The following SV2C variants were observed in gnomAD, a reference collection of about 807,000 sequenced individuals.
SV2C encodes the protein synaptic vesicle glycoprotein 2C, also known as solute carrier family 22 member B3.
A neutral mutation model predicts 79.7 loss-of-function variants in SV2C; 49 were observed. The ratio of observed to expected loss-of-function variants is 0.61; its 90% confidence interval spans 0.49 to 0.78. The LOEUF (loss-of-function observed/expected upper bound fraction) is 0.78, where lower values mean the gene tolerates loss of function less well. Among genes scored for constraint, SV2C ranks in the 30% least tolerant of loss-of-function variants. The pLI is 0.00. For synonymous variants in SV2C, 334 were observed against 333.2 expected, an observed-to-expected ratio of 1.00 and a Z score of -0.03; for missense variants, 833 against 912.9, an observed-to-expected ratio of 0.91 and a Z score of 1.13.
chr5:76,318,395 G>C (rs962711132), intron 12 of SV2C, among the ~76,000 whole-genome samples: 3 of 151,988 alleles, frequency 2.0e-5, no homozygotes, highest in African/African-American at 7.3e-5. Context: ...TCCAGCCTGG[G>C]CAATAGAGTG....
At chr5:75,893,595 G>T in the SV2C span, among the ~76,000 whole-genome samples, 1 of 152,086 alleles carries the variant, frequency 6.6e-6, no homozygotes, top group Admixed American at 6.6e-5. Context: ...CTGCTAGAGT[G>T]GGGAGGTAGG....
chr5:76,058,848 C>A, the SV2C span, among the ~76,000 whole-genome samples: 1 of 151,922 alleles, frequency 6.6e-6, no homozygotes. Flanking sequence ...ATTATAATAG[C>A]CTTTTACAAT....
At chr5:76,080,008 C>T (rs1746960843), upstream of SV2C, among the ~76,000 whole-genome samples, 1 of 151,888 alleles carries the variant, frequency 6.6e-6, no homozygotes, top group African/African-American at 2.4e-5. Flanking sequence ...GCCAAATGCA[C>T]TAACACCCTA....
chr5:76,309,525 G>A (rs1396414408), intron 12 of SV2C, among the ~76,000 whole-genome samples: 1 of 150,400 alleles, frequency 6.6e-6, no homozygotes, highest in African/African-American at 2.5e-5. Context: ...GCGTGAACCC[G>A]GGAGGCGGAG....
chr5:75,957,082 A>G, the SV2C span, among the ~76,000 whole-genome samples: 1 of 151,988 alleles, frequency 6.6e-6, no homozygotes, highest in African/African-American at 2.4e-5. Context: ...TACATAATCA[A>G]GAAAGATATA....
the SV2C span, chr5:75,911,597 C>T: frequency 1.5e-6 from 1 of 686,272 alleles, no homozygotes; most frequent in Non-Finnish European, 2.7e-6. Context: ...CAAAAGAAGC[C>T]AGTAAGAACT....
chr5:76,350,543 AGGTTGCTGACT>A (rs1254683416), intron 12 of SV2C, among the ~76,000 whole-genome samples: 1 of 152,246 alleles, frequency 6.6e-6, no homozygotes, highest in Non-Finnish European at 1.5e-5. Flanking sequence ...TAGAGACAGC[AGGTTGCTGACT>A]GGTGCAAGTA....
chr5:75,906,346 G>A, the SV2C span, among the ~76,000 whole-genome samples: 5 of 151,912 alleles, frequency 3.3e-5, no homozygotes, highest in African/African-American at 7.3e-5. Flanking sequence ...TAGCTACTTT[G>A]TGTCCCACAC....
chr5:76,139,859 T>TAAAA (rs1749196199), intron 2 of SV2C, among the ~76,000 whole-genome samples: 3 of 82,548 alleles, frequency 3.6e-5, no homozygotes, highest in Non-Finnish European at 6.6e-5. Flanking sequence ...TGAAAGTATT[T>TAAAA]TTTTTTTTTT....
At chr5:76,054,152 C>G in the SV2C span, among the ~76,000 whole-genome samples, 1,138 of 152,120 alleles carry the variant, frequency 7.5e-3, 18 homozygotes, top group African/African-American at 0.026. Flanking sequence ...CTTTACCCAC[C>G]CCCCTGACAG....
At chr5:76,223,458 T>C (rs532637704) in intron 4 of SV2C, among the ~76,000 whole-genome samples, 4,710 of 39,182 alleles carry the variant, frequency 0.12, 180 homozygotes, top group Non-Finnish European at 0.14. Flanking sequence ...TATATATATA[T>C]ATATATATAT....
chr5:76,142,000 A>G (rs1749270873), intron 2 of SV2C, among the ~76,000 whole-genome samples: 1 of 152,174 alleles, frequency 6.6e-6, no homozygotes, highest in African/African-American at 2.4e-5. Context: ...GAAATCTAAC[A>G]TCCAAGTATT....
At chr5:75,966,720 T>G in the SV2C span, among the ~76,000 whole-genome samples, 1 of 152,332 alleles carries the variant, frequency 6.6e-6, no homozygotes, top group Non-Finnish European at 1.5e-5. Flanking sequence ...GAGCAATCAC[T>G]CTTCTGTACT....
At chr5:75,967,225 G>C in the SV2C span, among the ~76,000 whole-genome samples, 335 of 152,168 alleles carry the variant, frequency 2.2e-3, 2 homozygotes, top group African/African-American at 7.4e-3. Flanking sequence ...GGCTGAATAG[G>C]AACAGCTCCA....
the SV2C span, among the ~76,000 whole-genome samples, chr5:75,942,402 T>A: frequency 6.6e-6 from 1 of 152,094 alleles, no homozygotes; most frequent in Non-Finnish European, 1.5e-5. Flanking sequence ...TTTTGACTGG[T>A]GGGAAGACGT....
At chr5:76,256,710 C>T (rs1746275895) in intron 4 of SV2C, among the ~76,000 whole-genome samples, 1 of 152,204 alleles carries the variant, frequency 6.6e-6, no homozygotes, top group African/African-American at 2.4e-5. Flanking sequence ...GGAAATTCAT[C>T]TCCCAGCAAG....
the SV2C span, among the ~76,000 whole-genome samples, chr5:76,033,202 G>C: frequency 7.9e-5 from 12 of 152,072 alleles, no homozygotes; most frequent in Non-Finnish European, 1.5e-4. Context: ...TAGGTTGCCT[G>C]TTCACTCTGA....
intron 12 of SV2C, among the ~76,000 whole-genome samples, chr5:76,344,570 G>A (rs769489497): frequency 1.7e-4 from 26 of 152,232 alleles, no homozygotes; most frequent in African/African-American, 6.0e-4. Flanking sequence ...ATTGCTGGGC[G>A]TGGTGGTGCA....
chr5:76,044,287 C>T, the SV2C span, among the ~76,000 whole-genome samples: 4 of 152,134 alleles, frequency 2.6e-5, no homozygotes, highest in Non-Finnish European at 4.4e-5. Flanking sequence ...ATATGTACCA[C>T]GTTTTCTTTA....
Sources: allele counts gnomAD v4.1 joint callset (sites outside exome capture counted in the v4.1 genomes callset), GRCh38; gene constraint gnomAD v4.1.1; transcripts MANE v1.5; gene names NCBI Gene and HGNC (gene_info 2026-07-23, HGNC 2026-07-21).